TMEM132C: variants seen among roughly 807,000 people sequenced by gnomAD.
TMEM132C encodes transmembrane protein 132C.
A neutral mutation model predicts 61.4 loss-of-function variants in TMEM132C; 29 were observed. That is an observed-to-expected ratio of 0.47 (90% CI 0.35 to 0.64). The LOEUF (loss-of-function observed/expected upper bound fraction) is 0.64. Ranked by LOEUF, TMEM132C falls within the 30% of genes least tolerant of loss-of-function variation. The probability of loss-of-function intolerance (pLI) is 0.00; values close to 1 mark genes in which losing one functional copy is unlikely to be tolerated. For missense variants in TMEM132C, 1,408 were observed against 1,476.9 expected (o/e 0.95, Z 0.76); for synonymous variants, 656 against 633.1 (o/e 1.04, Z -0.54).
intron 1 of TMEM132C, among the ~76,000 whole-genome samples, chr12:128,280,257 C>T (rs539999382): frequency 1.1e-4 from 17 of 152,192 alleles, no homozygotes; most frequent in Non-Finnish European, 1.9e-4. Flanking sequence ...TGAGAGTGCT[C>T]AGAAGAGGAG....
rs532682996 is a variant in TMEM132C, at chr12:128,667,207, A to G, written c.1306-2210A>G. 5.5e-4 allele frequency among the ~76,000 whole-genome samples: 83 copies of G among 151,776 alleles called. 1 individual carries two copies. The highest frequency in any genetic ancestry group is 1.4e-3 in the Admixed American group (21 of 15,270). ...AGGGAGTGTTAGGTAGAGTGTGTGA[A>G]CATGTGTGTGTGTGCGCATGTGTGC... On this transcript the variant is annotated intron_variant, in intron 4 of 8. Coordinates refer to ENST00000435159, the MANE Select transcript of TMEM132C (RefSeq NM_001136103.3).
chr12:128,693,324 C>T (rs1954733508), intron 5 of TMEM132C, among the ~76,000 whole-genome samples: 1 of 152,142 alleles, frequency 6.6e-6, no homozygotes, highest in Non-Finnish European at 1.5e-5. Context: ...GTGTGAAAAC[C>T]TCTGGTGCTC....
At chr12:128,380,516 G>T (rs143259247) in intron 1 of TMEM132C, among the ~76,000 whole-genome samples, 1 of 152,374 alleles carries the variant, frequency 6.6e-6, no homozygotes, top group Non-Finnish European at 1.5e-5. Flanking sequence ...CTAAGACAGA[G>T]AAATTGGAGG....
intron 1 of TMEM132C, among the ~76,000 whole-genome samples, chr12:128,333,893 GGT>G (rs1014578936): frequency 6.7e-6 from 1 of 150,304 alleles, no homozygotes; most frequent in Non-Finnish European, 1.5e-5. Flanking sequence ...TGCCTTGTGT[GGT>G]GTGTGTTGTA....
intron 1 of TMEM132C, among the ~76,000 whole-genome samples, chr12:128,403,463 AT>A (rs35645577): frequency 1.4e-4 from 21 of 151,378 alleles, no homozygotes; most frequent in African/African-American, 4.9e-4. Context: ...ACATCACCCA[AT>A]TTTTTTTTCG....
intron 2 of TMEM132C, among the ~76,000 whole-genome samples, chr12:128,427,860 G>A (rs912890065): frequency 9.2e-5 from 14 of 152,172 alleles, no homozygotes; most frequent in East Asian, 3.9e-4. Context: ...CAAGCACTGC[G>A]GACATGCTTT....
At chr12:128,419,458 T>C (rs1221435401) in intron 2 of TMEM132C, among the ~76,000 whole-genome samples, 2 of 152,206 alleles carry the variant, frequency 1.3e-5, no homozygotes, top group Admixed American at 6.5e-5. Context: ...CACCATGGAA[T>C]TGCACAGTGT....
rs190871603 is a variant in TMEM132C, at chr12:128,457,340, G to A, written c.974+41720G>A. The stretch of plus-strand genomic sequence containing the variant: ...AAAAAAAACAGCGCTTTGGGAGGCC[G>A]AGGCAGGCAGCTCATGAGGTCAGGA... On this transcript the variant is annotated intron_variant, in intron 2 of 8. Transcript: ENST00000435159. 1.0e-3 allele frequency among the ~76,000 whole-genome samples: 154 copies of A among 150,592 alleles called. 2 individuals carry two copies. The highest frequency in any genetic ancestry group is 6.3e-4 in the African/African-American group (26 of 40,980).
chr12:128,361,486 T>G (rs1873707183), intron 1 of TMEM132C, among the ~76,000 whole-genome samples: 1 of 152,280 alleles, frequency 6.6e-6, no homozygotes, highest in East Asian at 1.9e-4. Flanking sequence ...AACAGACCTT[T>G]TGAAGTCAGG....
chr12:128,689,640 C>A (rs1023248820), intron 5 of TMEM132C, among the ~76,000 whole-genome samples: 1 of 152,010 alleles, frequency 6.6e-6, no homozygotes, highest in Non-Finnish European at 1.5e-5. Context: ...CAAGTGGAGA[C>A]GTGGAAGAAG....
intron 8 of TMEM132C, 43 bp downstream of exon 8, chr12:128,697,458 C>T (rs1440668604): frequency 6.7e-7 from 1 of 1,485,984 alleles, no homozygotes; most frequent in Non-Finnish European, 9.0e-7. Flanking sequence ...GCAGGGTCAG[C>T]CACTGTGCCT....
intron 4 of TMEM132C, among the ~76,000 whole-genome samples, chr12:128,658,084 ACGCAG>A (rs1954345838): frequency 7.8e-6 from 1 of 129,022 alleles, no homozygotes; most frequent in Non-Finnish European, 1.7e-5. Context: ...AGGAGCAGGG[ACGCAG>A]CTCCCATGGA....
chr12:128,614,512 G>A (rs73161919), intron 3 of TMEM132C, among the ~76,000 whole-genome samples: 42,308 of 152,058 alleles, frequency 0.28, 7,073 homozygotes, highest in Middle Eastern at 0.39. Context: ...ACCACCAGCT[G>A]TCTTAGGCAA....
chr12:128,366,492 A>G (rs564307360), intron 1 of TMEM132C, among the ~76,000 whole-genome samples: 1 of 151,514 alleles, frequency 6.6e-6, no homozygotes, highest in East Asian at 1.9e-4. Flanking sequence ...GGATCACAGA[A>G]CTCTTTGATG....
intron 2 of TMEM132C, among the ~76,000 whole-genome samples, chr12:128,536,234 C>G (rs1226302400): frequency 6.6e-6 from 1 of 152,216 alleles, no homozygotes; most frequent in African/African-American, 2.4e-5. Context: ...AGTTCATGTC[C>G]TTTGCAGGGA....
intron 3 of TMEM132C, among the ~76,000 whole-genome samples, chr12:128,590,479 G>A (rs530532848): frequency 9.1e-4 from 138 of 152,300 alleles, no homozygotes; most frequent in African/African-American, 3.1e-3. Context: ...GTGGCGTAAC[G>A]TAGCTGCACA....
intron 4 of TMEM132C, among the ~76,000 whole-genome samples, chr12:128,634,019 G>A (rs755515725): frequency 3.6e-4 from 55 of 152,216 alleles, no homozygotes; most frequent in Non-Finnish European, 6.0e-4. Context: ...TAGACTTTGA[G>A]TTCAGGAAGT....
intron 4 of TMEM132C, among the ~76,000 whole-genome samples, chr12:128,628,810 G>A (rs778503765): frequency 3.9e-5 from 6 of 152,174 alleles, no homozygotes; most frequent in Admixed American, 6.5e-5. Context: ...AAATTGCTCC[G>A]TGAATACCTG....
At chr12:128,690,208 A>C (rs1345178398) in intron 5 of TMEM132C, among the ~76,000 whole-genome samples, 1 of 152,206 alleles carries the variant, frequency 6.6e-6, no homozygotes, top group Non-Finnish European at 1.5e-5. Flanking sequence ...TAGATATCAG[A>C]GTGAGTGGAG....
Sources: allele counts gnomAD v4.1 joint callset (sites outside exome capture counted in the v4.1 genomes callset), GRCh38; gene constraint gnomAD v4.1.1; transcripts MANE v1.5; gene names NCBI Gene and HGNC (gene_info 2026-07-23, HGNC 2026-07-21).